The following MLIP variants were observed in gnomAD, a reference collection of about 807,000 sequenced individuals.
MLIP encodes muscular LMNA-interacting protein.
Under a neutral mutation model 84.8 loss-of-function variants are expected in MLIP, and 79 were observed. The ratio of observed to expected loss-of-function variants is 0.93; its 90% CI spans 0.78 to 1.12. The LOEUF is 1.12. MLIP is among the 50% of genes most tolerant of loss of function. The pLI, the probability that MLIP is intolerant of heterozygous loss-of-function variation, is 0.00. For synonymous variants in MLIP, 504 were observed against 463.0 expected, an observed-to-expected ratio of 1.09 and a Z score of -1.14; for missense variants, 1,257 against 1,160.6, an observed-to-expected ratio of 1.08 and a Z score of -1.21.
upstream of MLIP, among the ~76,000 whole-genome samples, chr6:54,106,673 ACTGT>A (rs1207203410): frequency 1.3e-5 from 2 of 152,212 alleles, no homozygotes; most frequent in Non-Finnish European, 2.9e-5. Flanking sequence ...ATAGGTAGAA[ACTGT>A]CTGAAGAAGT....
At chr6:54,064,366 A>G (rs1269762813) in intron 1 of MLIP, among the ~76,000 whole-genome samples, 1 of 100,154 alleles carries the variant, frequency 1.0e-5, no homozygotes, top group Non-Finnish European at 2.9e-5. Context: ...TGCACAATCA[A>G]TGCCTACGAT....
intron 1 of MLIP, among the ~76,000 whole-genome samples, chr6:54,112,928 T>C (rs1435909234): frequency 6.6e-6 from 1 of 152,206 alleles, no homozygotes; most frequent in Non-Finnish European, 1.5e-5. Context: ...TTTAAAAAGT[T>C]CATAGCATGT....
intron 12 of MLIP, among the ~76,000 whole-genome samples, chr6:54,243,551 C>G (rs1424730406): frequency 1.3e-5 from 2 of 152,088 alleles, no homozygotes; most frequent in Admixed American, 1.3e-4. Context: ...TCACATGCAG[C>G]ATTTTATTTA....
chr6:54,164,231 T>A (rs1774953090), intron 8 of MLIP, among the ~76,000 whole-genome samples: 2 of 151,716 alleles, frequency 1.3e-5, no homozygotes, highest in South Asian at 4.1e-4. Flanking sequence ...TGATCATTAT[T>A]TTTACAAATA....
intron 3 of MLIP, among the ~76,000 whole-genome samples, chr6:54,126,479 T>G (rs1770929295): frequency 6.6e-6 from 1 of 151,938 alleles, no homozygotes; most frequent in South Asian, 2.1e-4. Flanking sequence ...ATATATTAAT[T>G]GTGGCTGAAG....
chr6:54,125,403 C>A (rs1409851483), intron 3 of MLIP, among the ~76,000 whole-genome samples: 1 of 152,102 alleles, frequency 6.6e-6, no homozygotes, highest in Non-Finnish European at 1.5e-5. Flanking sequence ...GTCCTGGAAG[C>A]CACAAGGCTG....
intron 1 of MLIP, among the ~76,000 whole-genome samples, chr6:54,044,745 G>A (rs907860056): frequency 6.6e-6 from 1 of 151,862 alleles, no homozygotes; most frequent in Non-Finnish European, 1.5e-5. Flanking sequence ...GTGGGTGTTA[G>A]GTCGGTGAAA....
chr6:54,034,134 G>C (rs1316286323), intron 1 of MLIP, among the ~76,000 whole-genome samples: 4 of 152,068 alleles, frequency 2.6e-5, no homozygotes, highest in Non-Finnish European at 5.9e-5. Flanking sequence ...AACTATTATT[G>C]TCTTGTCTTG....
At chr6:54,258,118 C>T (rs1470061432) in intron 13 of MLIP, among the ~76,000 whole-genome samples, 2 of 151,964 alleles carry the variant, frequency 1.3e-5, no homozygotes, top group African/African-American at 4.8e-5. Context: ...TTTTAAAAAA[C>T]TTATCTCTGA....
At chr6:54,172,082 GA>G (rs1386596867) in intron 9 of MLIP, among the ~76,000 whole-genome samples, 5 of 151,012 alleles carry the variant, frequency 3.3e-5, no homozygotes, top group African/African-American at 7.3e-5. Context: ...TTAGAGCCAA[GA>G]AAAAAAAGTT....
rs543755574 is a variant in MLIP at position 54,040,611 on chromosome 6, C to T, written c.63+21520C>T. Among the ~76,000 whole-genome samples the T allele has an allele frequency of 1.3e-4, 20 of 152,120 alleles. No individual in the cohort carries two copies. The East Asian group carries it at 3.7e-3, about 28-fold the overall frequency. On this transcript the variant is annotated intron_variant, in intron 1 of 12. Transcript: ENST00000274897. The stretch of plus-strand genomic sequence containing the variant: ...TTGCTCTACCAAAAAGACATATGCA[C>T]TCATACATTCATCACAGCACTATTT...
intron 1 of MLIP, among the ~76,000 whole-genome samples, chr6:54,082,721 G>T (rs912964238): frequency 2.7e-5 from 4 of 150,842 alleles, no homozygotes; most frequent in Non-Finnish European, 5.9e-5. Context: ...ATTTTGATTT[G>T]CATTTTCCTG....
chr6:54,249,370 TA>T (rs1782299005), intron 12 of MLIP, among the ~76,000 whole-genome samples: 1 of 152,040 alleles, frequency 6.6e-6, no homozygotes, highest in African/African-American at 2.4e-5. Context: ...ATTCTAAAAA[TA>T]AATATTTAAA....
At chr6:54,231,274 C>T (rs1780982131) in intron 12 of MLIP, among the ~76,000 whole-genome samples, 1 of 152,100 alleles carries the variant, frequency 6.6e-6, no homozygotes, top group Admixed American at 6.6e-5. Context: ...TAAAAAGCTT[C>T]TTTAAATTAC....
intron 4 of MLIP, among the ~76,000 whole-genome samples, chr6:54,139,742 A>G (rs999028425): frequency 6.6e-6 from 1 of 152,164 alleles, no homozygotes; most frequent in Non-Finnish European, 1.5e-5. Context: ...CGGAGCTGAC[A>G]TTTATGTAAT....
At chr6:54,109,224 C>CG (rs1561937187), upstream of MLIP, among the ~76,000 whole-genome samples, 1 of 150,852 alleles carries the variant, frequency 6.6e-6, no homozygotes, top group Non-Finnish European at 1.5e-5. Flanking sequence ...ATTTAACCTA[C>CG]TTTTTTTTGT....
intron 9 of MLIP, among the ~76,000 whole-genome samples, chr6:54,188,129 T>C (rs1162543569): frequency 6.6e-6 from 1 of 152,216 alleles, no homozygotes; most frequent in East Asian, 1.9e-4. Context: ...TACATCTGTA[T>C]AGTGCACTTG....
intron 1 of MLIP, among the ~76,000 whole-genome samples, chr6:54,049,916 T>C (rs1329628208): frequency 6.6e-6 from 1 of 152,178 alleles, no homozygotes; most frequent in Non-Finnish European, 1.5e-5. Flanking sequence ...TTTATTATAC[T>C]AAAGTGCAAC....
At chr6:54,247,478 C>G (rs924273054) in intron 12 of MLIP, among the ~76,000 whole-genome samples, 3 of 152,092 alleles carry the variant, frequency 2.0e-5, no homozygotes, top group Non-Finnish European at 4.4e-5. Flanking sequence ...GAGTGCCTGA[C>G]AGGACCATAT....
Sources: allele counts gnomAD v4.1 joint callset (sites outside exome capture counted in the v4.1 genomes callset), GRCh38; gene constraint gnomAD v4.1.1; transcripts MANE v1.5; gene names NCBI Gene and HGNC (gene_info 2026-07-23, HGNC 2026-07-21).